NALCN: variants seen among roughly 807,000 people sequenced by gnomAD.
The protein encoded by NALCN is sodium leak channel NALCN.
A neutral mutation model predicts 225.3 loss-of-function variants in NALCN; 111 were observed. The ratio of observed to expected loss-of-function variants is 0.49; its 90% CI spans 0.42 to 0.58. NALCN has a LOEUF of 0.58. Ranked by LOEUF, NALCN falls within the 20% of genes least tolerant of loss-of-function variation. The pLI is 0.00. For missense variants in NALCN, 1,378 were observed against 2,202.4 expected, an observed-to-expected ratio of 0.63 and a Z score of 7.49; for synonymous variants, 764 against 769.0, an observed-to-expected ratio of 0.99 and a Z score of 0.11.
chr13:101,139,704 C>T (rs1212092435), intron 17 of NALCN, among the ~76,000 whole-genome samples: 1 of 151,814 alleles, frequency 6.6e-6, no homozygotes, highest in Non-Finnish European at 1.5e-5. Context: ...TCTAAGTGCT[C>T]GCTGAAAAAT....
chr13:101,076,050 G>T, intron 34 of NALCN, 109 bp from the exon 35 acceptor site: 2 of 757,194 alleles, frequency 2.6e-6, no homozygotes, highest in Non-Finnish European at 4.0e-6. Flanking sequence ...CTTAATATGT[G>T]TAAATTATTA....
At chr13:101,169,885 A>T (rs180721048) in intron 15 of NALCN, among the ~76,000 whole-genome samples, 1 of 152,234 alleles carries the variant, frequency 6.6e-6, no homozygotes, top group Admixed American at 6.5e-5. Context: ...TGCAGCAGTT[A>T]TATCAGTCTT....
rs75804701 is a variant in NALCN at position 101,200,995 on chromosome 13, G to A, written c.1627-8941C>T. Among the ~76,000 whole-genome samples the A allele has an allele frequency of 4.7e-3, 713 of 152,228 alleles. 6 individuals are homozygous for A. The highest frequency in any genetic ancestry group is 0.017 in the African/African-American group (694 of 41,552). ...AACATCTTGGGTTTTGGTCAAAGTA[G>A]AGTAAGTAGAATATATAGTACCATC... On this transcript the variant is annotated intron_variant, in intron 13 of 43. Transcript: ENST00000251127.
At chr13:101,077,250 T>C (rs139094869) in intron 34 of NALCN, among the ~76,000 whole-genome samples, 198 of 152,266 alleles carry the variant, frequency 1.3e-3, no homozygotes, top group African/African-American at 4.5e-3. Context: ...CATAGCAGCA[T>C]GAAAAAGGAC....
chr13:101,271,449 T>C (rs2042772076), intron 10 of NALCN, among the ~76,000 whole-genome samples: 1 of 152,160 alleles, frequency 6.6e-6, no homozygotes, highest in Non-Finnish European at 1.5e-5. Context: ...TAGCTACCCC[T>C]TTCTACATGT....
At chr13:101,296,074 A>G in intron 7 of NALCN, among the ~76,000 whole-genome samples, 1 of 152,122 alleles carries the variant, frequency 6.6e-6, no homozygotes, top group East Asian at 1.9e-4. Context: ...TGCCCAGCTC[A>G]GCTCCTCTGT....
intron 7 of NALCN, among the ~76,000 whole-genome samples, chr13:101,309,192 A>C (rs1443648087): frequency 2.0e-5 from 3 of 152,226 alleles, no homozygotes; most frequent in Non-Finnish European, 4.4e-5. Context: ...TTTACCAAAT[A>C]AAATGTTAAA....
At chr13:101,060,538 G>A (rs551625631) in intron 41 of NALCN, among the ~76,000 whole-genome samples, 63 of 140,738 alleles carry the variant, frequency 4.5e-4, no homozygotes, top group African/African-American at 1.6e-3. Context: ...CGATCCTCCC[G>A]CCTCAGTTTC....
intron 1 of NALCN, among the ~76,000 whole-genome samples, chr13:101,406,495 C>G (rs953921837): frequency 6.6e-6 from 1 of 152,124 alleles, no homozygotes; most frequent in Non-Finnish European, 1.5e-5. Flanking sequence ...GAGAAAATGA[C>G]TTTTTCAATA....
intron 13 of NALCN, among the ~76,000 whole-genome samples, chr13:101,206,146 A>G (rs530265635): frequency 9.9e-5 from 15 of 152,038 alleles, no homozygotes; most frequent in African/African-American, 3.6e-4. Flanking sequence ...CATGCCCAAT[A>G]CTTAATTTTT....
At chr13:101,246,605 A>T (rs2041905638) in intron 11 of NALCN, among the ~76,000 whole-genome samples, 1 of 152,224 alleles carries the variant, frequency 6.6e-6, no homozygotes, top group South Asian at 2.1e-4. Flanking sequence ...TTATATTTTT[A>T]CCTAACAAGA....
chr13:101,387,913 T>C (rs370949454), intron 3 of NALCN, among the ~76,000 whole-genome samples: 4 of 152,276 alleles, frequency 2.6e-5, no homozygotes, highest in South Asian at 2.1e-4. Flanking sequence ...GGAACATACA[T>C]TTAATGTGAC....
At chr13:101,113,985 T>C (rs900780986) in intron 18 of NALCN, among the ~76,000 whole-genome samples, 2 of 151,830 alleles carry the variant, frequency 1.3e-5, no homozygotes, top group Non-Finnish European at 2.9e-5. Context: ...GAGGGGTGAG[T>C]AGGGAGGGTA....
intron 6 of NALCN, among the ~76,000 whole-genome samples, chr13:101,351,581 C>T (rs905726049): frequency 6.6e-6 from 1 of 152,132 alleles, no homozygotes; most frequent in African/African-American, 2.4e-5. Context: ...TATATCACAA[C>T]ACAAAGATGA....
chr13:101,067,353 G>A (rs1000970192), intron 39 of NALCN, among the ~76,000 whole-genome samples: 1 of 150,750 alleles, frequency 6.6e-6, no homozygotes, highest in African/African-American at 2.4e-5. Flanking sequence ...GGTAGAGGAG[G>A]AGGAGTAGGA....
chr13:101,320,746 G>A (rs1328955813), intron 7 of NALCN, among the ~76,000 whole-genome samples: 1 of 152,046 alleles, frequency 6.6e-6, no homozygotes, highest in East Asian at 1.9e-4. Context: ...CCTTGTTCCT[G>A]ACAGATGCCC....
rs661585 is a variant in NALCN, at chr13:101,143,071, A to G, written c.2118+9T>C. ...TAGAAGCCTGGTTATTCGAAACAGC[A>G]GATCTTACTTTTTGGTCGATGTATT... On this transcript the variant is annotated intron_variant, in intron 17 of 43. Transcript: ENST00000251127. The G allele has an allele frequency of 0.47, 751,835 of 1,613,500 alleles. 177,528 individuals carry two copies. Among genetic ancestry groups the G allele is most frequent in the African/African-American group, 0.61 (45,858 of 74,896 alleles).
In NALCN at chr13:101,314,482, A is replaced by G. The variant is rs1012923550; in HGVS notation, c.800-22116T>C. Among the ~76,000 whole-genome samples, 3 of 152,246 alleles carry G rather than the reference A, an allele frequency of 2.0e-5. No individual in the cohort carries two copies. The East Asian group carries it at 5.8e-4, about 29-fold the overall frequency. Reference sequence around the variant, plus strand: ...GGCATTTTCCTAATATGCTTATTCTATGGCAGATGGTTCCTATATTTTACA... The same window carrying G: ...GGCATTTTCCTAATATGCTTATTCTGTGGCAGATGGTTCCTATATTTTACA... On this transcript the variant is annotated intron_variant, in intron 7 of 43. Transcript: ENST00000251127.
At chr13:101,147,169 G>T (rs2037388642) in intron 15 of NALCN, among the ~76,000 whole-genome samples, 1 of 152,184 alleles carries the variant, frequency 6.6e-6, no homozygotes, top group African/African-American at 2.4e-5. Flanking sequence ...CCTGCCCACT[G>T]CCTGCATCCC....
Sources: gnomAD v4.1 joint callset for allele counts (sites outside exome capture counted in the v4.1 genomes callset) on GRCh38, gnomAD v4.1.1 for gene constraint, MANE v1.5 for transcripts, NCBI Gene and HGNC (gene_info 2026-07-23, HGNC 2026-07-21) for gene names.